Variants in ATP1A2 observed in about 807,000 individuals in gnomAD.
ATP1A2 encodes sodium/potassium-transporting ATPase subunit alpha-2.
In ATP1A2, 56 loss-of-function variants were observed where a neutral mutation model predicts 113.1. The ratio of observed to expected loss-of-function variants is 0.49; its 90% CI spans 0.40 to 0.62. The LOEUF (loss-of-function observed/expected upper bound fraction) is 0.62, where lower values mean the gene tolerates loss of function less well. Ranked by LOEUF, ATP1A2 falls within the 20% of genes least tolerant of loss-of-function variation. The pLI, the probability that ATP1A2 is intolerant of heterozygous loss-of-function variation, is 0.00. For missense variants in ATP1A2, 712 were observed against 1,357.8 expected, an observed-to-expected ratio of 0.52 and a Z score of 7.47; for synonymous variants, 490 against 526.8, an observed-to-expected ratio of 0.93 and a Z score of 0.96.
Position 160,135,157 on chromosome 1 carries a change from A to G in ATP1A2, c.1977A>G (p.Ala659=). The G allele has an allele frequency of 6.2e-7, 1 of 1,614,112 alleles. No homozygotes were observed. Among genetic ancestry groups the G allele is most frequent in the Non-Finnish European group, 8.5e-7 (1 of 1,180,024 alleles). The change falls in exon 15 of 23, where the codon GCA becomes GCG. Residue 659 remains alanine (A), a synonymous_variant. Transcript: ENST00000361216. This position sits in a 1 kb window ranked among gnomAD's most constrained non-coding sequence, Gnocchi z 6.3. ...ACCCACCCTCCAGAGAAGCCAAGGC[A>G]TGCGTGGTGCACGGCTCTGACCTGA... ...MSQVNPREAK[A]CVVHGSDLKD...
chr1:160,130,636 C>T (rs1651743060), intron 13 of ATP1A2, 39 bp downstream of exon 13: 4 of 1,613,448 alleles, frequency 2.5e-6, no homozygotes, highest in Admixed American at 3.3e-5. Flanking sequence ...CTAGCCTCCC[C>T]CATGCCAGAG....
Position 160,141,330 on chromosome 1 carries a change from GGAA to G in ATP1A2, c.*15_*17del, listed in dbSNP as rs796052274. On this transcript the variant is annotated 3_prime_UTR_variant, in exon 23 of 23. Transcript: ENST00000361216. ...AAGGAGACATACTACTGACCCCATT[GGAA>G]GAAGAACCAGGCATGGAAAGATGGG... 4 of 1,614,042 alleles carry G rather than the reference GGAA, an allele frequency of 2.5e-6. No homozygotes were observed. Among genetic ancestry groups the G allele is most frequent in the Non-Finnish European group, 3.4e-6 (4 of 1,179,942 alleles).
chr1:160,124,974 A>T (rs1651538829), intron 6 of ATP1A2, among the ~76,000 whole-genome samples, 162 bp from the exon 7 acceptor site: 1 of 152,236 alleles, frequency 6.6e-6, no homozygotes, highest in Non-Finnish European at 1.5e-5. Context: ...AAACCAGGGC[A>T]GGGGCAATAG....
intron 11 of ATP1A2, among the ~76,000 whole-genome samples, 168 bp from the exon 12 acceptor site, chr1:160,129,934 T>C (rs1558006404): frequency 6.6e-6 from 1 of 152,166 alleles, no homozygotes; most frequent in Non-Finnish European, 1.5e-5. Context: ...TTACAAGTGT[T>C]GGAACTGTGA....
In ATP1A2 at chr1:160,141,489, GA is replaced by G; in HGVS notation, c.*168del. ...AGTTGCGGGGTATATAAATTGGGGT[GA>G]TGACCCCATAGACCTAACTGTGAAC... On this transcript the variant is annotated 3_prime_UTR_variant, in exon 23 of 23. Coordinates refer to ENST00000361216, the MANE Select transcript of ATP1A2 (RefSeq NM_000702.4). 1.2e-6 allele frequency: 1 copy of G among 811,440 alleles called. No individual in the cohort carries two copies. Among genetic ancestry groups the G allele is most frequent in the Non-Finnish European group, 2.1e-6 (1 of 479,466 alleles). The allele number at this position is 811,440 out of a possible 1,614,324, so 50.3% of individuals were successfully genotyped here. A position where few individuals can be genotyped will look rare whatever the true frequency, so the allele number is the denominator to read the frequency against.
At chr1:160,140,997 G>A (rs1254349232) in intron 22 of ATP1A2, among the ~76,000 whole-genome samples, 7 of 151,960 alleles carry the variant, frequency 4.6e-5, no homozygotes, top group Non-Finnish European at 1.0e-4. Flanking sequence ...AGAGTAGCTG[G>A]GATTGCAGGC....
chr1:160,136,198 C>G (rs750457064), intron 17 of ATP1A2, 49 bp from the exon 18 acceptor site: 6 of 1,613,446 alleles, frequency 3.7e-6, no homozygotes, highest in Non-Finnish European at 5.1e-6. Context: ...TCTGTCATCT[C>G]CTACGTCCCT....
At chr1:160,116,909 G>A (rs1267188379) in intron 1 of ATP1A2, among the ~76,000 whole-genome samples, 4 of 152,078 alleles carry the variant, frequency 2.6e-5, no homozygotes, top group Non-Finnish European at 4.4e-5. Flanking sequence ...GCTAGGGTTG[G>A]AGCCATAAAT....
intron 20 of ATP1A2, chr1:160,137,286 C>G: frequency 1.8e-6 from 1 of 546,074 alleles, no homozygotes; most frequent in South Asian, 2.0e-5. Context: ...TTTCCCCCAT[C>G]TCCTACTTGA....
In ATP1A2 at chr1:160,123,135, G is replaced by A. The variant is rs1651470244; in HGVS notation, c.178-78G>A. On this transcript the variant is annotated intron_variant, in intron 3 of 22. Transcript: ENST00000361216. ...CTTCTGGGCATTCTTCCCATGCCCG[G>A]GAGCTGAAGGGATGGGCATGGTGAC... 2.0e-6 allele frequency: 3 copies of A among 1,523,000 alleles called. No individual in the cohort carries two copies. In the South Asian group the frequency reaches 3.4e-5, roughly 17 times the overall value. The allele number at this position is 1,523,000 out of a possible 1,614,324, so 94.3% of individuals were successfully genotyped here.
Position 160,135,503 on chromosome 1 carries a change from A to G in ATP1A2, c.2185A>G (p.Ile729Val). 1 of 1,614,186 alleles carries G rather than the reference A, an allele frequency of 6.2e-7. No homozygotes were observed. The highest frequency in any genetic ancestry group is 8.5e-7 in the Non-Finnish European group (1 of 1,180,034). ...SPALKKADIG[I>V]AMGISGSDVS... is the part of the protein sequence containing the mutation. The stretch of plus-strand genomic sequence containing the variant: ...TGCATTGAAGAAGGCTGACATTGGC[A>G]TTGCCATGGGCATCTCTGGCTCTGA... Residue 729 changes from isoleucine to valine, a missense_variant, in exon 16 of 23, where the codon ATT (isoleucine) becomes GTT (valine). Ile to Val is a conservative substitution (Grantham distance 29). This residue lies in a region of ATP1A2 where 188 missense variants were observed against 438.9 expected (regional missense o/e 0.43). Coordinates refer to ENST00000361216, the MANE Select transcript of ATP1A2 (RefSeq NM_000702.4). This position sits in a 1 kb window ranked among gnomAD's most constrained non-coding sequence, Gnocchi z 6.3.
intron 13 of ATP1A2, among the ~76,000 whole-genome samples, chr1:160,132,623 G>A (rs1651807133): frequency 1.3e-5 from 2 of 152,182 alleles, no homozygotes; most frequent in African/African-American, 2.4e-5. Flanking sequence ...AACATCTAAG[G>A]TAGGGAGCAG....
intron 11 of ATP1A2, 22 bp from the exon 12 acceptor site, chr1:160,130,080 T>C: frequency 6.2e-7 from 1 of 1,614,140 alleles, no homozygotes. Context: ...GCCCTCTCTG[T>C]AACTACCTGT....
In ATP1A2 at chr1:160,136,662, G is replaced by A. The variant is rs757896422; in HGVS notation, c.2656G>A (p.Asp886Asn). The A allele has an allele frequency of 2.5e-5, 41 of 1,614,116 alleles. No individual in the cohort carries two copies. Among genetic ancestry groups the A allele is most frequent in the Non-Finnish European group, 3.4e-5 (40 of 1,180,050 alleles). ...LPSRLLGIRL[D>N]WDDRTMNDLE... ...ATCACGGCTACTGGGAATCCGCCTCGACTGGGATGACCGGACCATGAATGA... is the reference window on the plus strand; with the variant it reads ...ATCACGGCTACTGGGAATCCGCCTCAACTGGGATGACCGGACCATGAATGA... The change falls in exon 19 of 23, where the codon GAC (aspartate) becomes AAC (asparagine). Residue 886 changes from aspartate (D) to asparagine (N), a missense_variant. By Grantham distance (23) the Asp-to-Asn change is conservative. Transcript: ENST00000361216.
At position 160,124,492 on chromosome 1, in the gene ATP1A2, G is replaced by C. The variant is rs531083160; in HGVS notation, c.630+62G>C. ...AGGAGAAGGCTGTGTGCAGAGCTGAGAGGGGCCCAGTGAGGTTTAAAGGTG... is the reference window on the plus strand; with the variant it reads ...AGGAGAAGGCTGTGTGCAGAGCTGACAGGGGCCCAGTGAGGTTTAAAGGTG... On this transcript the variant is annotated intron_variant, in intron 6 of 22. Transcript: ENST00000361216. 13 of 1,559,528 alleles carry C rather than the reference G, an allele frequency of 8.3e-6. No homozygotes were observed. In the East Asian group the frequency reaches 2.9e-4, roughly 34 times the overall value.
chr1:160,135,421 G>C lies in ATP1A2; in HGVS notation c.2116-13G>C. ...AGGGGTTTCGTCCTCAAGTGTGGCC[G>C]TCTTCCCTCCAGGGAGCCATTGTGG... On this transcript the variant is annotated splice_polypyrimidine_tract_variant and intron_variant, in intron 15 of 22. Transcript: ENST00000361216. The surrounding 1 kb of genome is among the most constrained non-coding windows in gnomAD (Gnocchi z 6.3). 2.5e-6 allele frequency: 4 copies of C among 1,614,142 alleles called. No homozygotes were observed. In the Admixed American group the frequency reaches 5.0e-5, roughly 20 times the overall value.
rs1168014192 is a variant in ATP1A2, at chr1:160,143,448, A to G, written c.*2126A>G. 3 of 152,648 alleles carry G rather than the reference A, an allele frequency of 2.0e-5. No individual in the cohort carries two copies. The highest frequency in any genetic ancestry group is 2.9e-5 in the Non-Finnish European group (2 of 68,028). The allele number at this position is 152,648 out of a possible 1,614,324, so 9.5% of individuals were successfully genotyped here. A position where few individuals can be genotyped will look rare whatever the true frequency, so the allele number is the denominator to read the frequency against. Reference sequence around the variant, plus strand: ...ATATCCTTTTAGAAGCAGCGAGTGCATGGGCTAATTATCATCAATCTTTAT... The same window carrying G: ...ATATCCTTTTAGAAGCAGCGAGTGCGTGGGCTAATTATCATCAATCTTTAT... On this transcript the variant is annotated 3_prime_UTR_variant, in exon 23 of 23. Transcript: ENST00000361216.
chr1:160,130,651 A>G, intron 13 of ATP1A2, 54 bp downstream of exon 13: 1 of 1,611,818 alleles, frequency 6.2e-7, no homozygotes, highest in Non-Finnish European at 8.5e-7. Flanking sequence ...CCAGAGTTCA[A>G]GGAGCTGCAG....
intron 3 of ATP1A2, among the ~76,000 whole-genome samples, chr1:160,122,868 T>C (rs1235867832): frequency 6.6e-6 from 1 of 152,044 alleles, no homozygotes; most frequent in Non-Finnish European, 1.5e-5. Flanking sequence ...TAAAATAATC[T>C]GAAGGAAGAG....
Sources: gnomAD v4.1 joint callset for allele counts (sites outside exome capture counted in the v4.1 genomes callset) on GRCh38, gnomAD v4.1.1 for gene constraint, gnomAD v4.1.1 regional missense constraint, Gnocchi (gnomAD v3.1) non-coding constraint, MANE v1.5 for transcripts, NCBI Gene and HGNC (gene_info 2026-07-23, HGNC 2026-07-21) for gene names.